Variants in NRK observed in about 807,000 individuals in gnomAD.
NRK encodes nik-related protein kinase.
A neutral mutation model predicts 125.2 loss-of-function variants in NRK; 67 were observed. That is an observed-to-expected ratio of 0.54 (90% CI 0.44 to 0.66). The LOEUF (loss-of-function observed/expected upper bound fraction) is 0.66. Among genes scored for constraint, NRK ranks in the 30% least tolerant of loss-of-function variants. NRK has a pLI of 0.00. For synonymous variants in NRK, 458 were observed against 429.0 expected (o/e 1.07, Z -0.84); for missense variants, 1,224 against 1,192.9 (o/e 1.03, Z -0.38).
chrX:105,908,611 G>A (rs2040249623), intron 12 of NRK, 116 bp from the exon 13 acceptor site: 1 of 983,880 alleles, frequency 1.0e-6, no homozygotes. Context: ...AAGGTTTACT[G>A]AAGGTATCTT....
intron 2 of NRK, among the ~76,000 whole-genome samples, chrX:105,857,929 C>G (rs943020034): frequency 9.0e-6 from 1 of 110,634 alleles, no homozygotes; most frequent in Non-Finnish European, 1.9e-5. Context: ...TGTTTGCTTG[C>G]TAGTATCCAT....
At chrX:105,859,420 A>G (rs938209623) in intron 2 of NRK, among the ~76,000 whole-genome samples, 4 of 111,960 alleles carry the variant, frequency 3.6e-5, no homozygotes, top group Non-Finnish European at 7.5e-5. Context: ...AGGAGCATCA[A>G]TAAATGAAAC....
chrX:105,904,887 A>G (rs1201492299), intron 9 of NRK, among the ~76,000 whole-genome samples: 2 of 111,757 alleles, frequency 1.8e-5, no homozygotes, highest in East Asian at 5.6e-4. Context: ...GTCTGGTTGA[A>G]TTTTTCAGTC....
At chrX:105,852,390 G>A (rs778681875) in intron 2 of NRK, among the ~76,000 whole-genome samples, 5 of 111,589 alleles carry the variant, frequency 4.5e-5, no homozygotes, top group South Asian at 3.8e-4. Flanking sequence ...TAGCAACCAC[G>A]AATTCTACTA....
chrX:105,849,271 A>G (rs981477407), intron 2 of NRK, among the ~76,000 whole-genome samples: 4 of 111,754 alleles, frequency 3.6e-5, no homozygotes, highest in Non-Finnish European at 7.5e-5. Context: ...ATTCACTATC[A>G]TGAGAATAGC....
chrX:105,921,940 TA>T, intron 16 of NRK, 23 bp from the exon 17 acceptor site: 1 of 773,426 alleles, frequency 1.3e-6, no homozygotes, highest in East Asian at 3.2e-5. Context: ...CCATTGTTAC[TA>T]ATGTGTTTTT....
At chrX:105,826,977 G>T (rs1219716382) in intron 1 of NRK, among the ~76,000 whole-genome samples, 1 of 111,496 alleles carries the variant, frequency 9.0e-6, no homozygotes, top group Non-Finnish European at 1.9e-5. Flanking sequence ...GAATAATTTG[G>T]AGATTTTGGG....
chrX:105,862,701 G>A (rs1300063280), intron 2 of NRK, among the ~76,000 whole-genome samples: 1 of 111,834 alleles, frequency 8.9e-6, no homozygotes, highest in Non-Finnish European at 1.9e-5. Flanking sequence ...TGAAATGGGT[G>A]TGTTTGTGAC....
chrX:105,826,028 C>G (rs1373686314), intron 1 of NRK, among the ~76,000 whole-genome samples: 2 of 101,513 alleles, frequency 2.0e-5, no homozygotes, highest in African/African-American at 7.2e-5. Flanking sequence ...GTGTATGCCT[C>G]TCTGTCTCCG....
At chrX:105,918,391 A>G (rs2040393117) in intron 16 of NRK, among the ~76,000 whole-genome samples, 1 of 111,291 alleles carries the variant, frequency 9.0e-6, no homozygotes, top group Non-Finnish European at 1.9e-5. Context: ...AGTTGCTGAT[A>G]TGTAAAAATA....
intron 23 of NRK, 30 bp from the exon 24 acceptor site, chrX:105,943,911 T>C: frequency 1.4e-6 from 1 of 732,633 alleles, no homozygotes; most frequent in Non-Finnish European, 2.0e-6. Flanking sequence ...AACTGTGGCA[T>C]CGTTACTTTT....
intron 26 of NRK, chrX:105,948,466 A>G (rs1309497758): frequency 3.1e-6 from 1 of 327,341 alleles, no homozygotes; most frequent in South Asian, 9.9e-5. Context: ...ATACAAGGGA[A>G]CCATGTGTGC....
rs2040993348 is a variant in NRK at position 105,957,516 on chromosome X, TAA to T, written c.*1917_*1918del. The T allele has an allele frequency of 8.9e-6, 1 of 111,888 alleles. No individual in the cohort carries two copies. The highest frequency in any genetic ancestry group is 3.2e-5 in the African/African-American group (1 of 30,777). 9.2% of individuals were successfully genotyped at this position (111,888 alleles called of 1,213,427 possible). A position where few individuals can be genotyped will look rare whatever the true frequency, so the allele number is the denominator to read the frequency against. ...ATTTACTCAAAGTTAAGCTTAAAAATAAGTTTTATCTTAAAATCATATTTGAA... is the reference window on the plus strand; with the variant it reads ...ATTTACTCAAAGTTAAGCTTAAAAATGTTTTATCTTAAAATCATATTTGAA... On this transcript the variant is annotated 3_prime_UTR_variant, in exon 29 of 29. Coordinates refer to ENST00000243300, the MANE Select transcript of NRK (RefSeq NM_198465.4).
At chrX:105,844,043 CTGTG>C (rs1244379882) in intron 2 of NRK, among the ~76,000 whole-genome samples, 2 of 61,436 alleles carry the variant, frequency 3.3e-5, no homozygotes, top group Non-Finnish European at 6.4e-5. Flanking sequence ...GTGTGTGTGT[CTGTG>C]TGTCTGTGTG....
chrX:105,872,373 A>T (rs2039758896), intron 2 of NRK, among the ~76,000 whole-genome samples: 1 of 111,802 alleles, frequency 8.9e-6, no homozygotes, highest in Non-Finnish European at 1.9e-5. Context: ...ATTTGCTTAA[A>T]CCTTCTTAAA....
intron 2 of NRK, among the ~76,000 whole-genome samples, chrX:105,841,700 T>C (rs1174453626): frequency 8.1e-5 from 9 of 111,512 alleles, no homozygotes. Context: ...CTAAGAGTCC[T>C]CAGAGAAAGA....
chrX:105,949,527 T>C (rs2040862907), intron 26 of NRK, 48 bp from the exon 27 acceptor site: 3 of 1,016,353 alleles, frequency 3.0e-6, no homozygotes, highest in Non-Finnish European at 4.1e-6. Context: ...ATTAAAGTAG[T>C]AGTGATAAAA....
chrX:105,910,398 A>T (rs1187445637), intron 13 of NRK, among the ~76,000 whole-genome samples: 2 of 112,429 alleles, frequency 1.8e-5, no homozygotes, highest in African/African-American at 6.5e-5. Flanking sequence ...GCAGTTTCCA[A>T]AATATTTGGT....
chrX:105,850,087 T>G (rs1196027615), intron 2 of NRK, among the ~76,000 whole-genome samples: 1 of 112,374 alleles, frequency 8.9e-6, no homozygotes, highest in East Asian at 2.8e-4. Flanking sequence ...TGCCTGGTGA[T>G]CCAGGCATTT....
Sources: allele counts gnomAD v4.1 joint callset (sites outside exome capture counted in the v4.1 genomes callset), GRCh38; gene constraint gnomAD v4.1.1; transcripts MANE v1.5; gene names NCBI Gene and HGNC (gene_info 2026-07-23, HGNC 2026-07-21).